ASIP: variants seen among roughly 807,000 people sequenced by gnomAD.
The protein encoded by ASIP is agouti signaling protein, also known as agouti-signaling protein.
A neutral mutation model predicts 10.3 loss-of-function variants in ASIP; 11 were observed. That is an observed-to-expected ratio of 1.07 (90% confidence interval 0.68 to 1.78). The LOEUF is 1.78. Among genes scored for constraint, ASIP ranks in the 40% most tolerant of loss-of-function variants. The probability of loss-of-function intolerance (pLI) is 0.00; values close to 1 mark genes in which losing one functional copy is unlikely to be tolerated. For synonymous variants in ASIP, 70 were observed against 70.8 expected, an observed-to-expected ratio of 0.99 and a Z score of 0.06; for missense variants, 180 against 169.2, an observed-to-expected ratio of 1.06 and a Z score of -0.35.
At position 34,220,476 on chromosome 20, in the gene ASIP, T is replaced by C. The variant is rs146729761; in HGVS notation, c.-11+25716T>C. The stretch of plus-strand genomic sequence containing the variant: ...CCGGGTGTGGTGCATGCACCTTTAG[T>C]CCCAGCTACTCAGGAGGCTGAGGTG... On this transcript the variant is annotated intron_variant, in intron 1 of 3. Transcript: ENST00000568305. 7.2e-5 allele frequency among the ~76,000 whole-genome samples: 11 copies of C among 152,004 alleles called. No homozygotes were observed. In the East Asian group the frequency reaches 1.9e-3, roughly 27 times the overall value.
intron 1 of ASIP, among the ~76,000 whole-genome samples, chr20:34,251,002 T>C (rs1314430694): frequency 6.6e-6 from 1 of 152,168 alleles, no homozygotes; most frequent in Non-Finnish European, 1.5e-5. Flanking sequence ...ATCTTGCACA[T>C]TAGCATACAT....
intron 1 of ASIP, among the ~76,000 whole-genome samples, chr20:34,205,946 A>G (rs915064644): frequency 2.2e-4 from 33 of 152,070 alleles, no homozygotes; most frequent in Non-Finnish European, 4.4e-4. Flanking sequence ...AAGCCCAGCC[A>G]GCTTCACCTC....
At chr20:34,268,699 A>T (rs954989593) in intron 3 of ASIP, among the ~76,000 whole-genome samples, 1 of 151,944 alleles carries the variant, frequency 6.6e-6, no homozygotes, top group Non-Finnish European at 1.5e-5. Context: ...GCGCCACTGC[A>T]GTCCAGCCTG....
chr20:34,187,417 T>C, the ASIP span, among the ~76,000 whole-genome samples: 3 of 152,176 alleles, frequency 2.0e-5, no homozygotes, highest in African/African-American at 7.2e-5. Flanking sequence ...AGAGAAAAAA[T>C]CAATCCCCTG....
Position 34,211,863 on chromosome 20 carries a change from C to T in ASIP, c.-11+17103C>T, listed in dbSNP as rs1375063646. On this transcript the variant is annotated intron_variant, in intron 1 of 3. Coordinates refer to the ASIP transcript ENST00000568305. Reference sequence around the variant, plus strand: ...TTAGCTTTTTATAGATGTACAGTCACATGCCTAGGTGTACATTTATCCTGC... The same window carrying T: ...TTAGCTTTTTATAGATGTACAGTCATATGCCTAGGTGTACATTTATCCTGC... 2.6e-5 allele frequency among the ~76,000 whole-genome samples: 4 copies of T among 152,204 alleles called. No homozygotes were observed. The East Asian group carries it at 7.7e-4, about 29-fold the overall frequency.
intron 2 of ASIP, among the ~76,000 whole-genome samples, chr20:34,261,238 C>T (rs1313121282): frequency 2.0e-5 from 3 of 152,200 alleles, no homozygotes; most frequent in Admixed American, 6.5e-5. Context: ...TGGCTCACAC[C>T]TGTAATCCCA....
intron 3 of ASIP, among the ~76,000 whole-genome samples, chr20:34,265,191 A>G (rs1402270379): frequency 6.6e-6 from 1 of 152,156 alleles, no homozygotes; most frequent in African/African-American, 2.4e-5. Flanking sequence ...CTTCTGGCCA[A>G]CAGTAGGCTA....
chr20:34,233,213 TCTC>T (rs1349714861), intron 1 of ASIP, among the ~76,000 whole-genome samples: 1 of 148,938 alleles, frequency 6.7e-6, no homozygotes, highest in Admixed American at 6.8e-5. Context: ...AATGGTGTGA[TCTC>T]AGCTCACTGA....
intron 1 of ASIP, among the ~76,000 whole-genome samples, chr20:34,201,017 C>CTTCCTTCCTTCCTTCCTTCTTTCT (rs751841818): frequency 9.6e-4 from 61 of 63,236 alleles, no homozygotes; most frequent in Non-Finnish European, 1.4e-3. Context: ...TCCTTCCTTC[C>CTTCCTTCCTTCCTTCCTTCTTTCT]TTCTTTCTTT....
At chr20:34,267,459 C>CAAAAAAAAAAAAAA (rs953440256) in intron 3 of ASIP, among the ~76,000 whole-genome samples, 1 of 46,280 alleles carries the variant, frequency 2.2e-5, no homozygotes, top group Non-Finnish European at 4.4e-5. Context: ...AACTGGCTCT[C>CAAAAAAAAAAAAAA]AAAAAAAAAA....
intron 1 of ASIP, among the ~76,000 whole-genome samples, chr20:34,235,925 AG>A: frequency 7.7e-6 from 1 of 129,736 alleles, no homozygotes; most frequent in Non-Finnish European, 1.6e-5. Flanking sequence ...GAAGGAAGGA[AG>A]GAAGCGGGAG....
rs1401344485 is a variant in ASIP, at chr20:34,233,608, T to G, written c.-10-26757T>G. The stretch of plus-strand genomic sequence containing the variant: ...CATCTCAATTAAGCTGTTTTTTAAT[T>G]AAAAGTTTATTCCATCTCTCAATGG... On this transcript the variant is annotated intron_variant, in intron 1 of 3. Coordinates refer to the ASIP transcript ENST00000568305. Among the ~76,000 whole-genome samples, 4 of 152,174 alleles carry G rather than the reference T, an allele frequency of 2.6e-5. No individual in the cohort carries two copies. The East Asian group carries it at 7.7e-4, about 29-fold the overall frequency.
intron 1 of ASIP, among the ~76,000 whole-genome samples, chr20:34,222,399 G>C (rs2035053556): frequency 6.6e-6 from 1 of 152,040 alleles, no homozygotes; most frequent in Non-Finnish European, 1.5e-5. Context: ...AGCTTCTTTT[G>C]AATAACCAGT....
chr20:34,213,466 G>A (rs1195431172), intron 1 of ASIP: 2 of 1,255,756 alleles, frequency 1.6e-6, no homozygotes, highest in African/African-American at 3.0e-5. Context: ...GACTGAGACA[G>A]TTTTGAAGTG....
At chr20:34,202,092 AAAG>A (rs1008211339) in intron 1 of ASIP, among the ~76,000 whole-genome samples, 6 of 152,160 alleles carry the variant, frequency 3.9e-5, no homozygotes, top group Non-Finnish European at 8.8e-5. Flanking sequence ...AAAAAAAAAA[AAAG>A]ATTAGTGCCT....
intron 1 of ASIP, among the ~76,000 whole-genome samples, chr20:34,221,361 G>C (rs1019914109): frequency 6.6e-6 from 1 of 151,906 alleles, no homozygotes; most frequent in East Asian, 1.9e-4. Context: ...CTGGGCGACA[G>C]AGCGAGACTC....
chr20:34,201,059 TC>T (rs1370272063), intron 1 of ASIP, among the ~76,000 whole-genome samples: 6 of 104,290 alleles, frequency 5.8e-5, no homozygotes, highest in African/African-American at 1.3e-4. Context: ...TTTCTTTCTT[TC>T]TTTTTTTTCC....
intron 1 of ASIP, among the ~76,000 whole-genome samples, chr20:34,257,803 T>G (rs1181303861): frequency 4.6e-5 from 7 of 152,190 alleles, no homozygotes; most frequent in Non-Finnish European, 8.8e-5. Flanking sequence ...TGAGAAATAT[T>G]ATTGGCACAT....
At chr20:34,215,525 T>G in intron 1 of ASIP, 1 of 1,522,016 alleles carries the variant, frequency 6.6e-7, no homozygotes. Context: ...AAAAAAAAAC[T>G]TGGGCCACTT....
Sources: allele counts gnomAD v4.1 joint callset (sites outside exome capture counted in the v4.1 genomes callset), GRCh38; gene constraint gnomAD v4.1.1; transcripts MANE v1.5; gene names NCBI Gene and HGNC (gene_info 2026-07-23, HGNC 2026-07-21).